Variants in SLC25A48 observed in about 807,000 individuals in gnomAD.
The protein encoded by SLC25A48 is solute carrier family 25 member 48.
In SLC25A48, 29 loss-of-function variants were observed where a neutral mutation model predicts 32.2. That is an observed-to-expected ratio of 0.90 (90% CI 0.67 to 1.23). The LOEUF is 1.23. Ranked by LOEUF, SLC25A48 falls within the 50% of genes most tolerant of loss-of-function variation. SLC25A48 has a pLI of 0.00. For missense variants in SLC25A48, 399 were observed against 422.7 expected (o/e 0.94, Z 0.49); for synonymous variants, 164 against 172.3 (o/e 0.95, Z 0.38).
At chr5:135,820,694 A>G (rs567794713) in intron 4 of SLC25A48, among the ~76,000 whole-genome samples, 2 of 152,368 alleles carry the variant, frequency 1.3e-5, no homozygotes, top group East Asian at 1.9e-4. Flanking sequence ...TGGTATTTCA[A>G]ATCAGGTTAG....
intron 3 of SLC25A48, among the ~76,000 whole-genome samples, chr5:135,785,218 C>T (rs528677603): frequency 6.6e-6 from 1 of 152,112 alleles, no homozygotes; most frequent in East Asian, 1.9e-4. Flanking sequence ...GTGTTCACCC[C>T]CCTTGTCCCA....
intron 3 of SLC25A48, among the ~76,000 whole-genome samples, chr5:135,646,473 G>A (rs937792888): frequency 6.6e-6 from 1 of 151,862 alleles, no homozygotes; most frequent in Non-Finnish European, 1.5e-5. Context: ...CTAGACTCAG[G>A]ATGTCTACAG....
Position 135,854,928 on chromosome 5 carries a change from T to C in SLC25A48, c.421+2107T>C, listed in dbSNP as rs138606518. On this transcript the variant is annotated intron_variant, in intron 4 of 7. Transcript: ENST00000681962. The stretch of plus-strand genomic sequence containing the variant: ...CTTTGACTTGAACACTTAGAGGTCA[T>C]TGTAGAATTACAAACTGGCCTAATT... 6.6e-5 allele frequency among the ~76,000 whole-genome samples: 10 copies of C among 152,330 alleles called. No individual in the cohort carries two copies. The East Asian group carries it at 1.9e-3, about 29-fold the overall frequency.
intron 1 of SLC25A48, among the ~76,000 whole-genome samples, chr5:135,586,178 C>T (rs888088339): frequency 6.6e-6 from 1 of 152,144 alleles, no homozygotes; most frequent in African/African-American, 2.4e-5. Context: ...GAGTCCTGCT[C>T]TGCACGGCCA....
intron 4 of SLC25A48, chr5:135,826,433 CA>C (rs1309728286): frequency 6.6e-6 from 1 of 152,302 alleles, no homozygotes; most frequent in Non-Finnish European, 1.5e-5. Flanking sequence ...CCATCTTGTC[CA>C]GCACTCTGAC....
intron 3 of SLC25A48, among the ~76,000 whole-genome samples, chr5:135,777,115 G>A (rs535987570): frequency 7.9e-5 from 12 of 151,728 alleles, no homozygotes; most frequent in Non-Finnish European, 1.5e-4. Context: ...ATATCCAGGC[G>A]GGGAGAGGAC....
chr5:135,589,453 C>A (rs1561747687), intron 1 of SLC25A48, among the ~76,000 whole-genome samples: 1 of 152,142 alleles, frequency 6.6e-6, no homozygotes. Flanking sequence ...TGTAGGGGCT[C>A]CAGGTTAATT....
intron 3 of SLC25A48, among the ~76,000 whole-genome samples, chr5:135,682,480 A>G (rs1264755123): frequency 6.6e-6 from 1 of 152,222 alleles, no homozygotes; most frequent in African/African-American, 2.4e-5. Context: ...TGATAAATAT[A>G]TATGTGTGTG....
intron 1 of SLC25A48, among the ~76,000 whole-genome samples, chr5:135,586,517 T>C (rs1297702888): frequency 8.7e-6 from 1 of 115,600 alleles, no homozygotes; most frequent in African/African-American, 3.7e-5. Flanking sequence ...TCTTCTGCAG[T>C]GATCTCAGAC....
chr5:135,643,599 C>G (rs1752889655), intron 3 of SLC25A48, among the ~76,000 whole-genome samples: 1 of 152,198 alleles, frequency 6.6e-6, no homozygotes. Context: ...ACCATCTCAG[C>G]CTTCGCAGAG....
intron 3 of SLC25A48, among the ~76,000 whole-genome samples, chr5:135,795,529 A>C (rs932550658): frequency 6.6e-6 from 1 of 151,768 alleles, no homozygotes; most frequent in Admixed American, 6.6e-5. Context: ...AAAGAGATTG[A>C]TATTACGCTC....
intron 3 of SLC25A48, among the ~76,000 whole-genome samples, chr5:135,683,079 G>C (rs74478342): frequency 0.037 from 5,682 of 152,222 alleles, 137 homozygotes; most frequent in African/African-American, 0.066. Flanking sequence ...ACTCTCCACT[G>C]TCTCCACTGT....
intron 1 of SLC25A48, among the ~76,000 whole-genome samples, chr5:135,607,689 AAG>A (rs553911307): frequency 1.3e-5 from 2 of 152,220 alleles, no homozygotes; most frequent in African/African-American, 4.8e-5. Flanking sequence ...ATTAGGGAAA[AAG>A]AGAGAAATTT....
intron 3 of SLC25A48, among the ~76,000 whole-genome samples, chr5:135,730,917 G>A (rs1755205406): frequency 6.6e-6 from 1 of 152,194 alleles, no homozygotes; most frequent in Non-Finnish European, 1.5e-5. Context: ...AATAAGTGGG[G>A]AACAGAGCTG....
intron 3 of SLC25A48, chr5:135,652,589 G>T: frequency 2.7e-6 from 1 of 368,792 alleles, no homozygotes; most frequent in Non-Finnish European, 5.4e-6. Flanking sequence ...GACTCAGTTG[G>T]AGCACCATTT....
At chr5:135,638,324 G>A (rs1382720555) in intron 3 of SLC25A48, among the ~76,000 whole-genome samples, 2 of 152,094 alleles carry the variant, frequency 1.3e-5, no homozygotes, top group Non-Finnish European at 2.9e-5. Context: ...AGAACACCAA[G>A]TACTGTGTGA....
At chr5:135,742,241 A>C (rs1755516577) in intron 3 of SLC25A48, among the ~76,000 whole-genome samples, 1 of 152,082 alleles carries the variant, frequency 6.6e-6, no homozygotes. Context: ...TACCACACCC[A>C]GCTAATATTT....
At chr5:135,811,848 G>A (rs1757595894) in intron 3 of SLC25A48, among the ~76,000 whole-genome samples, 2 of 152,186 alleles carry the variant, frequency 1.3e-5, no homozygotes, top group Admixed American at 6.5e-5. Flanking sequence ...TTGGGAGGCT[G>A]AGGTGGGCAG....
intron 1 of SLC25A48, among the ~76,000 whole-genome samples, chr5:135,839,743 G>A (rs1446153572): frequency 1.3e-5 from 2 of 152,180 alleles, no homozygotes; most frequent in Admixed American, 1.3e-4. Context: ...AGAGACCCAT[G>A]TGTCATGGGA....
Sources: allele counts gnomAD v4.1 joint callset (sites outside exome capture counted in the v4.1 genomes callset), GRCh38; gene constraint gnomAD v4.1.1; transcripts MANE v1.5; gene names NCBI Gene and HGNC (gene_info 2026-07-23, HGNC 2026-07-21).